The following DGKB variants were observed in gnomAD, a reference collection of about 807,000 sequenced individuals.
DGKB encodes diacylglycerol kinase beta, also known as 90 kDa diacylglycerol kinase.
In DGKB, 67 loss-of-function variants were observed where a neutral mutation model predicts 114.3. The observed-to-expected ratio is 0.59, with a 90% CI of 0.48 to 0.72. The LOEUF (loss-of-function observed/expected upper bound fraction) is 0.72. Among genes scored for constraint, DGKB ranks in the 30% least tolerant of loss-of-function variants. The pLI, the probability that DGKB is intolerant of heterozygous loss-of-function variation, is 0.00. For missense variants in DGKB, 907 were observed against 975.2 expected, an observed-to-expected ratio of 0.93 and a Z score of 0.93; for synonymous variants, 398 against 323.1, an observed-to-expected ratio of 1.23 and a Z score of -2.49.
intron 2 of DGKB, among the ~76,000 whole-genome samples, chr7:14,821,984 G>A (rs1471666740): frequency 6.6e-6 from 1 of 152,120 alleles, no homozygotes; most frequent in Non-Finnish European, 1.5e-5. Flanking sequence ...ATGCATTAAG[G>A]TTGAGTCATA....
intron 15 of DGKB, among the ~76,000 whole-genome samples, chr7:14,613,793 A>G (rs935586547): frequency 6.6e-6 from 1 of 152,074 alleles, no homozygotes; most frequent in African/African-American, 2.4e-5. Flanking sequence ...GCAAAGAAAG[A>G]GATCAACTTA....
In DGKB at chr7:14,596,079, T is replaced by G. The variant is rs1472072388; in HGVS notation, c.1433+11355A>C. ...TATTGTGAGTTTTAGGTATCTTCAT[T>G]GATGGCGATATTTCATAGAGATTTA... On this transcript the variant is annotated intron_variant, in intron 17 of 25. Transcript: ENST00000402815. Among the ~76,000 whole-genome samples, 3 of 152,156 alleles carry G rather than the reference T, an allele frequency of 2.0e-5. No individual in the cohort carries two copies. The East Asian group carries it at 5.8e-4, about 29-fold the overall frequency.
chr7:14,533,550 T>C (rs1791939614), intron 20 of DGKB, among the ~76,000 whole-genome samples: 1 of 140,970 alleles, frequency 7.1e-6, no homozygotes, highest in African/African-American at 2.7e-5. Context: ...ATTCTGGGAA[T>C]GGAAATGGAC....
intron 4 of DGKB, among the ~76,000 whole-genome samples, chr7:14,750,867 G>A (rs750457634): frequency 9.3e-5 from 13 of 139,984 alleles, no homozygotes; most frequent in East Asian, 2.2e-4. Context: ...GCAATGGCGC[G>A]ATCTCGGTTC....
intron 23 of DGKB, among the ~76,000 whole-genome samples, chr7:14,296,934 G>T (rs1562868935): frequency 6.6e-6 from 1 of 151,956 alleles, no homozygotes; most frequent in Non-Finnish European, 1.5e-5. Context: ...ACACATCTAC[G>T]CAAATAAACT....
At chr7:14,186,683 C>A (rs1318829804) in intron 23 of DGKB, among the ~76,000 whole-genome samples, 4 of 152,134 alleles carry the variant, frequency 2.6e-5, no homozygotes, top group Admixed American at 6.5e-5. Context: ...TAATACTACA[C>A]AGACATAAAA....
Position 14,613,336 on chromosome 7 carries a change from A to G in DGKB, c.1358+4T>C, listed in dbSNP as rs1243594654. On this transcript the variant is annotated splice_donor_region_variant and intron_variant, in intron 16 of 25. Coordinates refer to ENST00000402815, the MANE Select transcript of DGKB (RefSeq NM_001350709.2). The stretch of plus-strand genomic sequence containing the variant: ...TAGACACTAAAATCAATCAAAAAAC[A>G]TACCGTTCTCCTTGTTTTCCACCAC... The G allele has an allele frequency of 6.4e-7, 1 of 1,552,652 alleles. No homozygotes were observed.
chr7:14,733,160 T>C (rs774933050), intron 5 of DGKB, among the ~76,000 whole-genome samples: 32 of 152,166 alleles, frequency 2.1e-4, no homozygotes, highest in Non-Finnish European at 4.3e-4. Context: ...ACATTAAGAA[T>C]AGATCCACTG....
chr7:14,470,154 T>C (rs547852798), intron 21 of DGKB, among the ~76,000 whole-genome samples: 53 of 151,966 alleles, frequency 3.5e-4, no homozygotes, highest in Non-Finnish European at 5.9e-4. Flanking sequence ...ACTAAAGACA[T>C]AAAAGTGCTT....
chr7:14,636,808 G>A (rs574221337), intron 13 of DGKB, among the ~76,000 whole-genome samples: 22 of 151,872 alleles, frequency 1.4e-4, no homozygotes, highest in African/African-American at 4.1e-4. Context: ...ACAACAATTC[G>A]AAAAGCCCAG....
intron 24 of DGKB, 107 bp downstream of exon 24, chr7:14,177,924 T>A: frequency 8.3e-7 from 1 of 1,204,990 alleles, no homozygotes; most frequent in Non-Finnish European, 1.1e-6. Context: ...TAACTGATTA[T>A]TTGGAGCCCA....
intron 2 of DGKB, among the ~76,000 whole-genome samples, chr7:14,769,754 C>T (rs537450796): frequency 6.6e-6 from 1 of 152,076 alleles, no homozygotes; most frequent in East Asian, 1.9e-4. Context: ...CACCTCTCCT[C>T]TAGTTTCTGG....
intron 13 of DGKB, among the ~76,000 whole-genome samples, chr7:14,645,303 G>A (rs1028925960): frequency 7.2e-5 from 11 of 152,024 alleles, no homozygotes; most frequent in Non-Finnish European, 1.5e-4. Context: ...TTTTGGTCAC[G>A]GACAAGAAAC....
At chr7:14,330,458 TA>T (rs1244561741) in intron 23 of DGKB, among the ~76,000 whole-genome samples, 1 of 151,980 alleles carries the variant, frequency 6.6e-6, no homozygotes, top group East Asian at 1.9e-4. Flanking sequence ...TTCATTTATA[TA>T]TTAGAAAATA....
chr7:14,232,702 C>T (rs533400590), intron 23 of DGKB, among the ~76,000 whole-genome samples: 2 of 152,088 alleles, frequency 1.3e-5, no homozygotes, highest in South Asian at 4.1e-4. Context: ...ATTAGAAACA[C>T]CCCAAATGTG....
intron 21 of DGKB, among the ~76,000 whole-genome samples, chr7:14,471,616 G>T (rs1024988521): frequency 2.6e-5 from 4 of 151,506 alleles, no homozygotes; most frequent in African/African-American, 9.7e-5. Context: ...GTTTTGCATT[G>T]CTGGTTCTTG....
At chr7:14,247,228 T>C (rs1584708883) in intron 23 of DGKB, among the ~76,000 whole-genome samples, 1 of 150,408 alleles carries the variant, frequency 6.6e-6, no homozygotes, top group Non-Finnish European at 1.5e-5. Context: ...AATGTGTGCA[T>C]GTAGCACATT....
chr7:14,527,643 GA>G (rs1790856971), intron 20 of DGKB, among the ~76,000 whole-genome samples: 1 of 152,006 alleles, frequency 6.6e-6, no homozygotes. Flanking sequence ...AGATTATCCT[GA>G]AGAGCTATAA....
intron 6 of DGKB, among the ~76,000 whole-genome samples, chr7:14,703,512 C>T (rs976939139): frequency 1.3e-5 from 2 of 152,166 alleles, no homozygotes; most frequent in Non-Finnish European, 2.9e-5. Context: ...TCTTTACTAG[C>T]CTGACTTGAA....
Sources: allele counts gnomAD v4.1 joint callset (sites outside exome capture counted in the v4.1 genomes callset), GRCh38; gene constraint gnomAD v4.1.1; transcripts MANE v1.5; gene names NCBI Gene and HGNC (gene_info 2026-07-23, HGNC 2026-07-21).